Variants in TPX2 observed in about 807,000 individuals in gnomAD.
TPX2 encodes the protein targeting protein for Xklp2.
TPX2 carries 21 observed loss-of-function variants against 93.6 expected under a neutral mutation model. The ratio of observed to expected loss-of-function variants is 0.22; its 90% CI spans 0.16 to 0.32. The LOEUF (loss-of-function observed/expected upper bound fraction) is 0.32. Among genes scored for constraint, TPX2 ranks in the 10% least tolerant of loss-of-function variants. TPX2 has a pLI of 1.00. For missense variants in TPX2, 776 were observed against 871.1 expected (o/e 0.89, Z 1.37); for synonymous variants, 281 against 298.3 (o/e 0.94, Z 0.60).
chr20:31,794,608 G>A, intron 15 of TPX2, 60 bp downstream of exon 15: 1 of 1,583,644 alleles, frequency 6.3e-7, no homozygotes, highest in Non-Finnish European at 8.6e-7. Flanking sequence ...TGTACAGGCA[G>A]ACCCACCATA....
At position 31,771,561 on chromosome 20, in the gene TPX2, T is replaced by C. The variant is rs753788071; in HGVS notation, c.487T>C (p.Ser163Pro). The change falls in exon 7 of 18, where the codon TCT (serine) becomes CCT (proline). Residue 163 changes from serine (S) to proline (P), a missense_variant and splice_region_variant. Physicochemically the swap from Ser to Pro is moderately conservative, Grantham distance 74 (BLOSUM62 -1). Around this residue, in one of 3 missense-constraint regions of TPX2, gnomAD observed 279 missense variants for 261.6 expected, o/e 1.07. Coordinates refer to ENST00000300403, the MANE Select transcript of TPX2 (RefSeq NM_012112.5). The part of the protein sequence containing the change: ...EILPSKKMKV[S>P]NNKKKPEEEG... The stretch of plus-strand genomic sequence containing the variant: ...ATTTTTTGTCCTTTTGAACTCAAGT[T>C]CTAACAACAAAAAGAAGCCAGAGGA... 5 of 1,610,738 alleles carry C rather than the reference T, an allele frequency of 3.1e-6. No homozygotes were observed. The highest frequency in any genetic ancestry group is 1.1e-5 in the South Asian group (1 of 90,248).
chr20:31,790,601 AC>A (rs1362920742), intron 12 of TPX2, among the ~76,000 whole-genome samples: 1 of 152,194 alleles, frequency 6.6e-6, no homozygotes, highest in Non-Finnish European at 1.5e-5. Context: ...GACATTCCAA[AC>A]ATGTTTCGAA....
rs772428230 is a variant in TPX2, at chr20:31,793,828, A to G, written c.1510-20A>G. 3.2e-5 allele frequency: 49 copies of G among 1,548,710 alleles called. 1 individual carries two copies. In the East Asian group the frequency reaches 1.1e-3, roughly 35 times the overall value. On this transcript the variant is annotated intron_variant, in intron 13 of 17. Coordinates refer to ENST00000300403, the MANE Select transcript of TPX2 (RefSeq NM_012112.5). ...GAGAGAGTGAGGAGTCTTATTTCTA[A>G]ACTGCAATTTTTTCCCTAGGAAGAG... is the stretch of plus-strand genomic sequence containing the variant.
At chr20:31,747,393 C>T (rs1240814501) in intron 2 of TPX2, among the ~76,000 whole-genome samples, 1 of 152,190 alleles carries the variant, frequency 6.6e-6, no homozygotes, top group Non-Finnish European at 1.5e-5. Flanking sequence ...ACTGGGATTA[C>T]AGGCATAAGT....
intron 2 of TPX2, among the ~76,000 whole-genome samples, chr20:31,752,621 T>C (rs2061826339): frequency 6.6e-6 from 1 of 152,148 alleles, no homozygotes; most frequent in Non-Finnish European, 1.5e-5. Flanking sequence ...TACTTTTTTT[T>C]CTTTTTTTTT....
chr20:31,762,601 C>A (rs554865272), intron 4 of TPX2, among the ~76,000 whole-genome samples: 1 of 152,098 alleles, frequency 6.6e-6, no homozygotes, highest in Non-Finnish European at 1.5e-5. Flanking sequence ...CCTCCCACCT[C>A]GGCCTCCCAA....
intron 3 of TPX2, among the ~76,000 whole-genome samples, chr20:31,757,880 C>T (rs975315246): frequency 3.3e-5 from 5 of 152,158 alleles, no homozygotes; most frequent in Admixed American, 6.6e-5. Flanking sequence ...TCAAATATGT[C>T]TGTAGTGATG....
chr20:31,794,661 C>T, intron 15 of TPX2, 113 bp downstream of exon 15: 1 of 1,357,492 alleles, frequency 7.4e-7, no homozygotes, highest in Non-Finnish European at 1.0e-6. Flanking sequence ...TTCAGGGGCT[C>T]TCACTGTAAA....
chr20:31,788,702 T>A (rs551241763), intron 12 of TPX2, among the ~76,000 whole-genome samples: 1 of 152,038 alleles, frequency 6.6e-6, no homozygotes, highest in Non-Finnish European at 1.5e-5. Flanking sequence ...AAAGGACTCC[T>A]GGGGCAGAGG....
At chr20:31,764,847 T>A (rs1477192916) in intron 4 of TPX2, among the ~76,000 whole-genome samples, 1 of 152,232 alleles carries the variant, frequency 6.6e-6, no homozygotes, top group Non-Finnish European at 1.5e-5. Context: ...CCCTGTCATC[T>A]TGTTGCAGTT....
chr20:31,747,756 T>TCCCCCAAA, intron 2 of TPX2, among the ~76,000 whole-genome samples: 1 of 151,852 alleles, frequency 6.6e-6, no homozygotes, highest in Non-Finnish European at 1.5e-5. Flanking sequence ...GGGAATGTGG[T>TCCCCCAAA]TGACGCATGT....
At chr20:31,752,641 T>C (rs2061826512) in intron 2 of TPX2, among the ~76,000 whole-genome samples, 1 of 151,876 alleles carries the variant, frequency 6.6e-6, no homozygotes, top group South Asian at 2.1e-4. Context: ...TGAGACGGAG[T>C]CTCGCACTGT....
intron 12 of TPX2, among the ~76,000 whole-genome samples, chr20:31,788,095 A>G (rs908590801): frequency 3.3e-5 from 5 of 152,130 alleles, no homozygotes; most frequent in African/African-American, 1.2e-4. Flanking sequence ...TAGCTTGCCT[A>G]TGGAAACATT....
At chr20:31,799,348 G>A (rs890567388) in intron 17 of TPX2, among the ~76,000 whole-genome samples, 2 of 152,296 alleles carry the variant, frequency 1.3e-5, no homozygotes, top group Non-Finnish European at 2.9e-5. Context: ...TTAGATGGGA[G>A]GAGTAAATTT....
intron 5 of TPX2, among the ~76,000 whole-genome samples, chr20:31,769,603 C>T (rs530375241): frequency 1.7e-4 from 26 of 152,252 alleles, no homozygotes; most frequent in African/African-American, 6.0e-4. Flanking sequence ...GGATTACAGG[C>T]GTGAGCCACC....
At chr20:31,759,396 G>GTTTTTTTTTTT (rs35468756) in intron 3 of TPX2, among the ~76,000 whole-genome samples, 25 of 100,430 alleles carry the variant, frequency 2.5e-4, no homozygotes, top group Non-Finnish European at 3.3e-4. Flanking sequence ...GTTTTCTTTC[G>GTTTTTTTTTTT]TTTTTTTTTT....
rs928196129 is a variant in TPX2 at position 31,784,462 on chromosome 20, A to G, written c.1413+541A>G. On this transcript the variant is annotated intron_variant, in intron 12 of 17. Coordinates refer to ENST00000300403, the MANE Select transcript of TPX2 (RefSeq NM_012112.5). ...TATTCCTAGAGCACTCAGCTAGTAC[A>G]TGGTGGAGCAAGTAAGAGTTCAGAC... Among the ~76,000 whole-genome samples the G allele has an allele frequency of 3.9e-5, 6 of 152,218 alleles. No individual in the cohort carries two copies. The South Asian group carries it at 1.2e-3, about 31-fold the overall frequency.
chr20:31,766,451 CAG>C (rs2061925201), intron 4 of TPX2, 103 bp from the exon 5 acceptor site: 3 of 943,154 alleles, frequency 3.2e-6, no homozygotes, highest in South Asian at 2.2e-5. Flanking sequence ...GTGGCTTAGA[CAG>C]GGTGTGTGTG....
chr20:31,773,730 T>G (rs2123033536), intron 7 of TPX2, among the ~76,000 whole-genome samples: 1 of 152,354 alleles, frequency 6.6e-6, no homozygotes, highest in South Asian at 2.1e-4. Flanking sequence ...AATTGTAAAT[T>G]GATAATTTAT....
Sources: allele counts gnomAD v4.1 joint callset (sites outside exome capture counted in the v4.1 genomes callset), GRCh38; gene constraint gnomAD v4.1.1; regional missense constraint gnomAD v4.1.1; transcripts MANE v1.5; gene names NCBI Gene and HGNC (gene_info 2026-07-23, HGNC 2026-07-21).